The following EMCN variants were observed in gnomAD, a reference collection of about 807,000 sequenced individuals.
EMCN encodes the protein endomucin.
EMCN carries 37 observed loss-of-function variants against 38.4 expected under a neutral mutation model. The ratio of observed to expected loss-of-function variants is 0.96; its 90% confidence interval spans 0.74 to 1.27. The LOEUF (loss-of-function observed/expected upper bound fraction) is 1.27, where lower values mean the gene tolerates loss of function less well. Among genes scored for constraint, EMCN ranks in the 50% most tolerant of loss-of-function variants. The pLI is 0.00. For synonymous variants in EMCN, 95 were observed against 100.8 expected, an observed-to-expected ratio of 0.94 and a Z score of 0.35; for missense variants, 318 against 302.8, an observed-to-expected ratio of 1.05 and a Z score of -0.37.
At chr4:100,442,860 A>AT (rs1727561830) in intron 5 of EMCN, among the ~76,000 whole-genome samples, 1 of 151,452 alleles carries the variant, frequency 6.6e-6, no homozygotes. Flanking sequence ...CATTTTTATT[A>AT]TTTTTCTGAG....
intron 1 of EMCN, among the ~76,000 whole-genome samples, chr4:100,498,244 A>G (rs1729260544): frequency 6.6e-6 from 1 of 152,206 alleles, no homozygotes; most frequent in Admixed American, 6.5e-5. Context: ...TCATTTGCCT[A>G]TCTTAATTTT....
intron 1 of EMCN, among the ~76,000 whole-genome samples, chr4:100,517,171 A>G (rs1729779339): frequency 6.6e-6 from 1 of 152,132 alleles, no homozygotes; most frequent in East Asian, 1.9e-4. Flanking sequence ...AGGCTTATGA[A>G]GATACAAACC....
chr4:100,455,886 C>A (rs747612999), intron 4 of EMCN, among the ~76,000 whole-genome samples: 2 of 152,104 alleles, frequency 1.3e-5, no homozygotes, highest in Non-Finnish European at 2.9e-5. Context: ...TCTCGATCTC[C>A]CTGGCTCAAT....
intron 1 of EMCN, among the ~76,000 whole-genome samples, chr4:100,496,288 A>T (rs1729204901): frequency 6.6e-6 from 1 of 152,144 alleles, no homozygotes; most frequent in Admixed American, 6.5e-5. Flanking sequence ...ATAAGTTCAG[A>T]AGAGTCATTT....
At chr4:100,505,060 G>A (rs1043960192) in intron 1 of EMCN, among the ~76,000 whole-genome samples, 5 of 152,122 alleles carry the variant, frequency 3.3e-5, no homozygotes, top group East Asian at 1.9e-4. Context: ...TCTCTGCTTC[G>A]GCTGCCAGGC....
intron 5 of EMCN, among the ~76,000 whole-genome samples, chr4:100,433,051 T>G (rs1560612617): frequency 2.0e-5 from 3 of 152,202 alleles, no homozygotes. Flanking sequence ...AATGTCCTTA[T>G]GTTGTACAAT....
chr4:100,491,947 G>C (rs775485418), intron 1 of EMCN, among the ~76,000 whole-genome samples: 5 of 152,140 alleles, frequency 3.3e-5, no homozygotes, highest in Non-Finnish European at 5.9e-5. Context: ...AAAAGTAGCT[G>C]TCTCCTCACA....
intron 4 of EMCN, among the ~76,000 whole-genome samples, chr4:100,464,887 T>C (rs943838890): frequency 6.6e-6 from 1 of 152,078 alleles, no homozygotes; most frequent in Non-Finnish European, 1.5e-5. Context: ...TAGCCTCTGA[T>C]AATTATTTGT....
At position 100,415,939 on chromosome 4, in the gene EMCN, C is replaced by T. The variant is rs199751528; in HGVS notation, c.710G>A (p.Ser237Asn). The change falls in exon 10 of 12, where the codon AGC (serine) becomes AAC (asparagine). Residue 237 changes from serine to asparagine, a missense_variant. Physicochemically the swap from Ser to Asn is conservative, Grantham distance 46 (BLOSUM62 1). Transcript: ENST00000296420. ...GNDQPQSDKE[S>N]VKLLTVKTIS... is the part of the protein sequence containing the mutation. Reference sequence around the variant, plus strand: ...TGTCTTAACGGTAAGAAGCTTCACGCTCTCTTTATCAGACTGAGGTCTATT... The same window carrying T: ...TGTCTTAACGGTAAGAAGCTTCACGTTCTCTTTATCAGACTGAGGTCTATT... 1 of 1,590,792 alleles carries T rather than the reference C, an allele frequency of 6.3e-7. No homozygotes were observed. The highest frequency in any genetic ancestry group is 2.3e-5 in the East Asian group (1 of 43,490).
chr4:100,415,361 T>C (rs1477102714), intron 10 of EMCN, among the ~76,000 whole-genome samples: 1 of 152,210 alleles, frequency 6.6e-6, no homozygotes, highest in Non-Finnish European at 1.5e-5. Flanking sequence ...ATCATACCTA[T>C]ATTTTGAAAG....
intron 10 of EMCN, 80 bp from the exon 11 acceptor site, chr4:100,410,435 A>G: frequency 1.4e-6 from 2 of 1,400,758 alleles, no homozygotes; most frequent in African/African-American, 1.4e-5. Context: ...GCTTTTTTCT[A>G]TTTTTCAAGG....
intron 3 of EMCN, chr4:100,474,192 A>G (rs779141942): frequency 5.3e-5 from 8 of 152,238 alleles, no homozygotes; most frequent in Non-Finnish European, 1.2e-4. Flanking sequence ...AATTTTTAAA[A>G]AGATAGACAA....
rs1012766375 is a variant in EMCN, at chr4:100,479,828, T to A, written c.187+89A>T. 549 of 1,068,110 alleles carry A rather than the reference T, an allele frequency of 5.1e-4. 3 individuals carry two copies. Among genetic ancestry groups the A allele is most frequent in the Non-Finnish European group, 1.2e-4 (94 of 765,794 alleles). 66.2% of individuals were successfully genotyped at this position (1,068,110 alleles called of 1,614,324 possible). On this transcript the variant is annotated intron_variant, in intron 2 of 11. Transcript: ENST00000296420. Reference sequence around the variant, plus strand: ...ACCTTTATAACAATCAGATATAAGATCCCGAATTATTTTTTCATACTGATG... The same window carrying A: ...ACCTTTATAACAATCAGATATAAGAACCCGAATTATTTTTTCATACTGATG...
At chr4:100,480,350 G>C (rs1446511488) in intron 1 of EMCN, among the ~76,000 whole-genome samples, 4 of 151,904 alleles carry the variant, frequency 2.6e-5, no homozygotes, top group African/African-American at 9.7e-5. Flanking sequence ...AACTAACCTT[G>C]CCAGATGAAA....
chr4:100,502,745 A>C (rs1011442906), intron 1 of EMCN, among the ~76,000 whole-genome samples: 1 of 152,178 alleles, frequency 6.6e-6, no homozygotes, highest in Non-Finnish European at 1.5e-5. Flanking sequence ...TAGATTAGGA[A>C]AATCCTCTTA....
At chr4:100,487,044 CA>C in intron 1 of EMCN, 1 of 983,030 alleles carries the variant, frequency 1.0e-6, no homozygotes, top group Non-Finnish European at 1.2e-6. Flanking sequence ...GTAAAAAAGG[CA>C]AAGGTTACAT....
intron 1 of EMCN, among the ~76,000 whole-genome samples, chr4:100,508,840 G>A (rs1260932076): frequency 6.6e-6 from 1 of 152,162 alleles, no homozygotes; most frequent in African/African-American, 2.4e-5. Flanking sequence ...ATAATTCAAA[G>A]TTAAGTATTT....
chr4:100,500,553 G>T (rs1027458532), intron 1 of EMCN, among the ~76,000 whole-genome samples: 1 of 152,004 alleles, frequency 6.6e-6, no homozygotes, highest in Non-Finnish European at 1.5e-5. Flanking sequence ...CTGATTTATG[G>T]TAATCATTCT....
intron 4 of EMCN, among the ~76,000 whole-genome samples, chr4:100,457,528 A>G (rs991077363): frequency 6.6e-6 from 1 of 152,180 alleles, no homozygotes. Flanking sequence ...AAATTTTGTC[A>G]AATGTTTTTC....
Sources: allele counts gnomAD v4.1 joint callset (sites outside exome capture counted in the v4.1 genomes callset), GRCh38; gene constraint gnomAD v4.1.1; transcripts MANE v1.5; gene names NCBI Gene and HGNC (gene_info 2026-07-23, HGNC 2026-07-21).